The following GGT5 variants were observed in gnomAD, a reference collection of about 807,000 sequenced individuals.
GGT5 encodes the protein gamma-glutamyltransferase 5, also known as glutathione hydrolase 5 proenzyme.
In GGT5, 50 loss-of-function variants were observed where a neutral mutation model predicts 58.1. The observed-to-expected ratio is 0.86, with a 90% CI of 0.69 to 1.09. The LOEUF (loss-of-function observed/expected upper bound fraction) is 1.09. Ranked by LOEUF, GGT5 falls within the 50% of genes least tolerant of loss-of-function variation. GGT5 has a pLI of 0.00. For missense variants in GGT5, 800 were observed against 789.4 expected, an observed-to-expected ratio of 1.01 and a Z score of -0.16; for synonymous variants, 370 against 346.1, an observed-to-expected ratio of 1.07 and a Z score of -0.77.
intron 4 of GGT5, 44 bp from the exon 5 acceptor site, chr22:24,232,252 G>A (rs890055004): frequency 3.3e-6 from 4 of 1,207,730 alleles, no homozygotes; most frequent in Non-Finnish European, 4.6e-6. Flanking sequence ...GGTCCCAGAG[G>A]CAGCCACACT....
At chr22:24,226,597 C>T (rs373575378) in intron 7 of GGT5, 34 bp downstream of exon 7, 18 of 1,609,516 alleles carry the variant, frequency 1.1e-5, no homozygotes, top group Middle Eastern at 1.7e-4. Flanking sequence ...GGGAGGAGGA[C>T]GGCCCACCAG....
chr22:24,225,876 C>G (rs1036858055), intron 8 of GGT5, among the ~76,000 whole-genome samples, 200 bp downstream of exon 8: 1 of 152,172 alleles, frequency 6.6e-6, no homozygotes, highest in African/African-American at 2.4e-5. Flanking sequence ...CCAGGTAAAT[C>G]TTGGGTCGGG....
chr22:24,232,962 G>A lies in GGT5; in HGVS notation c.457C>T (p.Arg153Cys), dbSNP rs1161844017. The change falls in exon 4 of 12, where the codon CGC becomes TGC. Residue 153 changes from arginine to cysteine, a missense_variant. Coordinates refer to ENST00000327365, the MANE Select transcript of GGT5 (RefSeq NM_004121.5). Reference protein sequence around the residue: ...ELRGYAEAHRRHGRLPWAQLF... With the variant: ...ELRGYAEAHRCHGRLPWAQLF... ...TGCGCCCAGGGCAGGCGGCCATGGC[G>A]GCGGTGGGCCTCGGCATAGCCACGG... The A allele has an allele frequency of 1.1e-5, 17 of 1,563,564 alleles. No homozygotes were observed. Among genetic ancestry groups the A allele is most frequent in the Middle Eastern group, 2.1e-4 (1 of 4,838 alleles).
intron 11 of GGT5, among the ~76,000 whole-genome samples, chr22:24,224,429 G>A (rs2047688014): frequency 6.6e-6 from 1 of 151,790 alleles, no homozygotes; most frequent in South Asian, 2.1e-4. Context: ...GAGGAGGAAG[G>A]ATCACTTGAG....
At chr22:24,239,333 T>A (rs550359941) in intron 1 of GGT5, among the ~76,000 whole-genome samples, 1 of 151,240 alleles carries the variant, frequency 6.6e-6, no homozygotes, top group East Asian at 2.0e-4. Context: ...AGCGAGACTC[T>A]GTCTCAAAAA....
intron 1 of GGT5, among the ~76,000 whole-genome samples, chr22:24,238,776 TA>T (rs1448814621): frequency 3.4e-5 from 1 of 29,046 alleles, no homozygotes; most frequent in South Asian, 1.0e-3. Flanking sequence ...TATATATATA[TA>T]TAATATATAT....
intron 6 of GGT5, among the ~76,000 whole-genome samples, chr22:24,230,245 G>A (rs2047898464): frequency 6.6e-6 from 1 of 152,038 alleles, no homozygotes; most frequent in Non-Finnish European, 1.5e-5. Context: ...GCAAGCGCCT[G>A]TAATCCCAGC....
At chr22:24,241,339 C>T (rs1601435044) in intron 1 of GGT5, 1 of 152,136 alleles carries the variant, frequency 6.6e-6, no homozygotes. Flanking sequence ...GTAGGGCAAG[C>T]CAGCAGGCTA....
intron 6 of GGT5, among the ~76,000 whole-genome samples, chr22:24,228,048 CAAAAAA>C (rs1273239063): frequency 1.8e-4 from 4 of 22,052 alleles, no homozygotes; most frequent in Non-Finnish European, 2.7e-4. Context: ...GACTCTGTCT[CAAAAAA>C]AAAAAAAAAA....
chr22:24,220,909 T>C (rs2047571171), intron 11 of GGT5, among the ~76,000 whole-genome samples: 1 of 151,966 alleles, frequency 6.6e-6, no homozygotes, highest in Admixed American at 6.6e-5. Context: ...ATTAGTCGGA[T>C]GTGGTGGCCC....
intron 11 of GGT5, among the ~76,000 whole-genome samples, chr22:24,222,275 A>G (rs1307214818): frequency 1.3e-5 from 2 of 152,178 alleles, no homozygotes; most frequent in African/African-American, 4.8e-5. Flanking sequence ...GGAGACATCT[A>G]GATGCATCGG....
intron 1 of GGT5, among the ~76,000 whole-genome samples, chr22:24,238,912 ATAT>A (rs1322158020): frequency 0.016 from 290 of 18,176 alleles, 34 homozygotes; most frequent in African/African-American, 0.085. Context: ...TATATTATAT[ATAT>A]TATATATATA....
chr22:24,240,491 C>CTT (rs200391250), intron 1 of GGT5, among the ~76,000 whole-genome samples: 92 of 144,160 alleles, frequency 6.4e-4, no homozygotes, highest in African/African-American at 2.2e-3. Context: ...AGCTGTATAA[C>CTT]TTTTTTTTTT....
chr22:24,233,850 A>G (rs201885196), intron 2 of GGT5, 24 bp downstream of exon 2: 96 of 1,606,550 alleles, frequency 6.0e-5, no homozygotes, highest in Non-Finnish European at 8.1e-5. Context: ...CATCTTCCCC[A>G]TGGCAGTTCA....
At chr22:24,222,652 G>A (rs760806603) in intron 11 of GGT5, among the ~76,000 whole-genome samples, 2 of 152,168 alleles carry the variant, frequency 1.3e-5, no homozygotes, top group Admixed American at 6.6e-5. Flanking sequence ...GAGAACCTTA[G>A]GTTTGTGGGT....
At chr22:24,243,341 G>C (rs1369739443) in intron 1 of GGT5, 6 of 152,302 alleles carry the variant, frequency 3.9e-5, no homozygotes, top group Non-Finnish European at 7.3e-5. Context: ...ACTTGTCCCT[G>C]AGCTGCCATT....
chr22:24,225,283 C>T lies in GGT5; in HGVS notation c.1465G>A (p.Gly489Arg), dbSNP rs763495821. The change falls in exon 10 of 12, where the codon GGG becomes AGG. Residue 489 changes from glycine (G) to arginine (R), a missense_variant. Gly to Arg is a moderately radical substitution (Grantham distance 125, BLOSUM62 -2). Coordinates refer to ENST00000327365, the MANE Select transcript of GGT5 (RefSeq NM_004121.5). ...KAQGSKLVIG[G>R]AGGELIISAV... is the part of the protein sequence containing the mutation. ...GAGATGATGAGCTCCCCGCCAGCCC[C>T]GCCAATCACTAGCTTCGACCCCTGG... The T allele has an allele frequency of 5.0e-6, 8 of 1,613,928 alleles. No individual in the cohort carries two copies. The highest frequency in any genetic ancestry group is 1.3e-5 in the African/African-American group (1 of 74,938).
intron 1 of GGT5, chr22:24,243,816 C>G (rs562568797): frequency 2.0e-5 from 3 of 152,280 alleles, no homozygotes; most frequent in East Asian, 3.9e-4. Flanking sequence ...ACTCAGCTCA[C>G]GAGACCCAGG....
intron 1 of GGT5, among the ~76,000 whole-genome samples, chr22:24,238,719 G>C (rs1433106749): frequency 5.3e-5 from 5 of 94,680 alleles, no homozygotes; most frequent in African/African-American, 2.0e-4. Context: ...AAAAAAAAAA[G>C]TGAAAGTGGA....
Sources: gnomAD v4.1 joint callset for allele counts (sites outside exome capture counted in the v4.1 genomes callset) on GRCh38, gnomAD v4.1.1 for gene constraint, MANE v1.5 for transcripts, NCBI Gene and HGNC (gene_info 2026-07-23, HGNC 2026-07-21) for gene names.